TXLNB: variants seen among roughly 807,000 people sequenced by gnomAD.
TXLNB encodes the protein beta-taxilin.
In TXLNB, 37 loss-of-function variants were observed where a neutral mutation model predicts 57.4. The observed-to-expected ratio is 0.64, with a 90% CI of 0.50 to 0.85. TXLNB has a LOEUF of 0.85. Among genes scored for constraint, TXLNB ranks in the 40% least tolerant of loss-of-function variants. The pLI is 0.00. For missense variants in TXLNB, 848 were observed against 825.6 expected, an observed-to-expected ratio of 1.03 and a Z score of -0.33; for synonymous variants, 302 against 309.6, an observed-to-expected ratio of 0.98 and a Z score of 0.26.
the TXLNB span, among the ~76,000 whole-genome samples, chr6:139,160,639 T>C: frequency 6.6e-6 from 1 of 152,192 alleles, no homozygotes; most frequent in Non-Finnish European, 1.5e-5. Flanking sequence ...GTTCTCTAAC[T>C]CCTGGCCGCA....
At chr6:139,180,108 T>C in the TXLNB span, 2 of 152,060 alleles carry the variant, frequency 1.3e-5, no homozygotes, top group African/African-American at 2.4e-5. Flanking sequence ...AGTTGGGGAG[T>C]TGGGTGAATT....
In TXLNB at chr6:139,242,477, G is replaced by T; in HGVS notation, c.*49C>A. The T allele has an allele frequency of 7.0e-7, 1 of 1,427,382 alleles. No individual in the cohort carries two copies. The highest frequency in any genetic ancestry group is 9.2e-7 in the Non-Finnish European group (1 of 1,083,310). 88.4% of individuals were successfully genotyped at this position (1,427,382 alleles called of 1,614,324 possible). Reference sequence around the variant, plus strand: ...CCTTTTTCGGAAGACAAGCTGTTATGCTGAATATGCAAAGAGGCAGGAAGA... The same window carrying T: ...CCTTTTTCGGAAGACAAGCTGTTATTCTGAATATGCAAAGAGGCAGGAAGA... On this transcript the variant is annotated 3_prime_UTR_variant, in exon 10 of 10. Transcript: ENST00000358430.
the TXLNB span, among the ~76,000 whole-genome samples, chr6:139,213,019 C>A: frequency 6.6e-6 from 1 of 152,166 alleles, no homozygotes; most frequent in African/African-American, 2.4e-5. Flanking sequence ...GACTCCCACA[C>A]AATAATAATG....
the TXLNB span, among the ~76,000 whole-genome samples, chr6:139,171,394 A>T: frequency 3.9e-5 from 6 of 152,230 alleles, no homozygotes; most frequent in Admixed American, 6.5e-5. Flanking sequence ...CGCACATTAG[A>T]TGTGCCCACA....
the TXLNB span, among the ~76,000 whole-genome samples, chr6:139,297,558 C>T: frequency 4.3e-3 from 650 of 152,200 alleles, 9 homozygotes; most frequent in African/African-American, 0.015. Flanking sequence ...AGATTATGAG[C>T]CTTAAAATCA....
the TXLNB span, chr6:139,159,296 G>A: frequency 2.0e-5 from 3 of 152,082 alleles, no homozygotes; most frequent in Non-Finnish European, 4.4e-5. Flanking sequence ...ACCCTAAGAG[G>A]ACCATGCTCT....
At chr6:139,173,955 A>G in the TXLNB span, among the ~76,000 whole-genome samples, 1 of 152,126 alleles carries the variant, frequency 6.6e-6, no homozygotes, top group Non-Finnish European at 1.5e-5. Flanking sequence ...GATTTTTATG[A>G]TGGGACTTGT....
At chr6:139,312,068 C>T in the TXLNB span, among the ~76,000 whole-genome samples, 1 of 152,156 alleles carries the variant, frequency 6.6e-6, no homozygotes, top group African/African-American at 2.4e-5. Context: ...TGGAGGTACA[C>T]AAACATTCAG....
At chr6:139,286,114 G>T (rs189970795) in intron 2 of TXLNB, among the ~76,000 whole-genome samples, 285 of 152,216 alleles carry the variant, frequency 1.9e-3, no homozygotes, top group Non-Finnish European at 3.3e-3. Flanking sequence ...GTGATGATGT[G>T]TATACACTAT....
chr6:139,229,642 G>A, the TXLNB span, among the ~76,000 whole-genome samples: 1 of 152,098 alleles, frequency 6.6e-6, no homozygotes, highest in Non-Finnish European at 1.5e-5. Flanking sequence ...TTATTTACCT[G>A]ATGTGTTTTA....
At chr6:139,205,771 T>G in the TXLNB span, among the ~76,000 whole-genome samples, 1 of 152,162 alleles carries the variant, frequency 6.6e-6, no homozygotes. Flanking sequence ...AGGGAATAAC[T>G]GAGAAAAACT....
intron 7 of TXLNB, among the ~76,000 whole-genome samples, chr6:139,248,210 T>G (rs1282607816): frequency 2.0e-5 from 3 of 151,670 alleles, no homozygotes; most frequent in African/African-American, 4.8e-5. Flanking sequence ...GAGGCGGAGC[T>G]TGCAGTGAGC....
At chr6:139,270,311 A>T in intron 4 of TXLNB, 145 bp downstream of exon 4, 1 of 728,992 alleles carries the variant, frequency 1.4e-6, no homozygotes, top group Non-Finnish European at 2.2e-6. Flanking sequence ...AAAATTATTT[A>T]AGGTTACAAG....
chr6:139,224,416 G>C, the TXLNB span, among the ~76,000 whole-genome samples: 1 of 151,330 alleles, frequency 6.6e-6, no homozygotes, highest in Non-Finnish European at 1.5e-5. Context: ...CCTGCACATT[G>C]TGCACATGTA....
the TXLNB span, chr6:139,176,938 C>G: frequency 2.3e-6 from 2 of 869,292 alleles, no homozygotes; most frequent in Non-Finnish European, 4.0e-6. This position sits in a 1 kb window ranked among gnomAD's most constrained non-coding sequence, Gnocchi z 4.5. Flanking sequence ...CTGTTTCCCC[C>G]AGGCCCGCCT....
chr6:139,311,282 G>T, the TXLNB span, among the ~76,000 whole-genome samples: 1 of 152,142 alleles, frequency 6.6e-6, no homozygotes, highest in African/African-American at 2.4e-5. Flanking sequence ...AAGCAAGTCT[G>T]CTTGCTAAAA....
At chr6:139,257,370 A>G (rs1373395580) in intron 6 of TXLNB, among the ~76,000 whole-genome samples, 1 of 152,244 alleles carries the variant, frequency 6.6e-6, no homozygotes, top group Non-Finnish European at 1.5e-5. Context: ...AGCACTAAGC[A>G]TAATTTGCAC....
the TXLNB span, among the ~76,000 whole-genome samples, chr6:139,190,592 A>G: frequency 6.6e-6 from 1 of 152,004 alleles, no homozygotes; most frequent in Non-Finnish European, 1.5e-5. Context: ...TACAGGAGTG[A>G]GCCACCACGC....
At chr6:139,238,716 A>G (rs560372887), downstream of TXLNB, among the ~76,000 whole-genome samples, 6 of 152,286 alleles carry the variant, frequency 3.9e-5, no homozygotes, top group Admixed American at 3.3e-4. Flanking sequence ...AATTATTTAA[A>G]CCTTGTGAAA....
Sources: allele counts gnomAD v4.1 joint callset (sites outside exome capture counted in the v4.1 genomes callset), GRCh38; gene constraint gnomAD v4.1.1; non-coding constraint Gnocchi (gnomAD v3.1); transcripts MANE v1.5; gene names NCBI Gene and HGNC (gene_info 2026-07-23, HGNC 2026-07-21).